CALR: variants seen among roughly 807,000 people sequenced by gnomAD.
The protein encoded by CALR is CRP55.
A neutral mutation model predicts 51.1 loss-of-function variants in CALR; 15 were observed. The ratio of observed to expected loss-of-function variants is 0.29; its 90% CI spans 0.20 to 0.45. The LOEUF (loss-of-function observed/expected upper bound fraction) is 0.45, where lower values mean the gene tolerates loss of function less well. Among genes scored for constraint, CALR ranks in the 20% least tolerant of loss-of-function variants. The probability of loss-of-function intolerance (pLI) is 1.00; values close to 1 mark genes in which losing one functional copy is unlikely to be tolerated. For synonymous variants in CALR, 239 were observed against 205.9 expected, an observed-to-expected ratio of 1.16 and a Z score of -1.38; for missense variants, 477 against 530.6, an observed-to-expected ratio of 0.90 and a Z score of 0.99.
In CALR at chr19:12,944,198, C is replaced by A; in HGVS notation, c.*285C>A. 3.8e-6 allele frequency: 2 copies of A among 527,686 alleles called. No individual in the cohort carries two copies. Among genetic ancestry groups the A allele is most frequent in the Non-Finnish European group, 3.4e-6 (1 of 297,378 alleles). The allele number at this position is 527,686 out of a possible 1,614,324, so 32.7% of individuals were successfully genotyped here. A position where few individuals can be genotyped will look rare whatever the true frequency, so the allele number is the denominator to read the frequency against. ...CATCTTTTCTTGCCTCTGTCCCCTT[C>A]TCTCATCTCTTAGCTCCCCTCCAAC... On this transcript the variant is annotated 3_prime_UTR_variant, in exon 9 of 9. Transcript: ENST00000316448.
At chr19:12,943,679 G>C (rs1297265278) in intron 8 of CALR, 34 bp from the exon 9 acceptor site, 1 of 1,614,128 alleles carries the variant, frequency 6.2e-7, no homozygotes, top group Admixed American at 1.7e-5. Context: ...GGCTGGCAGG[G>C]GGCAAGGCCC....
rs1971524099 is a variant in CALR, at chr19:12,940,044, C to T, written c.398-9C>T. 1 of 1,602,932 alleles carries T rather than the reference C, an allele frequency of 6.2e-7. No homozygotes were observed. Among genetic ancestry groups the T allele is most frequent in the African/African-American group, 1.3e-5 (1 of 74,660 alleles). ...CTCTGACTCTTAACTGGATCTGCTT[C>T]ACACCTAGGTCCCGACATCTGTGGC... On this transcript the variant is annotated splice_polypyrimidine_tract_variant and intron_variant, in intron 3 of 8. Coordinates refer to ENST00000316448, the MANE Select transcript of CALR (RefSeq NM_004343.4).
At position 12,944,165 on chromosome 19, in the gene CALR, T is replaced by C; in HGVS notation, c.*252T>C. 1.6e-6 allele frequency: 1 copy of C among 607,634 alleles called. No individual in the cohort carries two copies. Among genetic ancestry groups the C allele is most frequent in the Non-Finnish European group, 2.8e-6 (1 of 353,144 alleles). The allele number at this position is 607,634 out of a possible 1,614,324, so 37.6% of individuals were successfully genotyped here. A position where few individuals can be genotyped will look rare whatever the true frequency, so the allele number is the denominator to read the frequency against. On this transcript the variant is annotated 3_prime_UTR_variant, in exon 9 of 9. Coordinates refer to ENST00000316448, the MANE Select transcript of CALR (RefSeq NM_004343.4). ...CCCTCACCCCTGGTTCTCATCTTTCTTGATCAACATCTTTTCTTGCCTCTG... is the reference window on the plus strand; with the variant it reads ...CCCTCACCCCTGGTTCTCATCTTTCCTGATCAACATCTTTTCTTGCCTCTG...
chr19:12,940,589 G>A lies in CALR; in HGVS notation c.751G>A (p.Glu251Lys), dbSNP rs755951120. Reference protein sequence around the residue: ...HIPDPDAKKPEDWDEEMDGEW... With the variant: ...HIPDPDAKKPKDWDEEMDGEW... ...CCCTGACCCTGATGCTAAGAAGCCCGAGGACTGGGATGAAGAGATGGACGG... is the reference window on the plus strand; with the variant it reads ...CCCTGACCCTGATGCTAAGAAGCCCAAGGACTGGGATGAAGAGATGGACGG... Residue 251 changes from glutamate (E) to lysine (K), a missense_variant, in exon 6 of 9, where the codon GAG becomes AAG. Transcript: ENST00000316448. 25 of 1,614,064 alleles carry A rather than the reference G, an allele frequency of 1.5e-5. No individual in the cohort carries two copies. Among genetic ancestry groups the A allele is most frequent in the East Asian group, 2.2e-5 (1 of 44,896 alleles).
At chr19:12,942,709 C>T (rs913200539) in intron 7 of CALR, among the ~76,000 whole-genome samples, 4 of 151,238 alleles carry the variant, frequency 2.6e-5, no homozygotes, top group African/African-American at 4.9e-5. Flanking sequence ...ATTCTCATGC[C>T]TCATCCTCTC....
Position 12,938,722 on chromosome 19 carries a change from G to A in CALR, c.43G>A (p.Ala15Thr). 1.2e-6 allele frequency: 2 copies of A among 1,611,592 alleles called. No individual in the cohort carries two copies. The highest frequency in any genetic ancestry group is 1.1e-5 in the South Asian group (1 of 90,934). The change falls in exon 1 of 9, where the codon GCC becomes ACC. Residue 15 changes from alanine (A) to threonine (T), a missense_variant. Coordinates refer to ENST00000316448, the MANE Select transcript of CALR (RefSeq NM_004343.4). ...GCTGCTGCTCGGCCTCCTCGGCCTG[G>A]CCGTCGCCGAGCCTGCCGTCTACTT... The part of the protein sequence containing the change: ...VPLLLGLLGL[A>T]VAEPAVYFKE...
Position 12,944,086 on chromosome 19 carries a change from G to A in CALR, c.*173G>A, listed in dbSNP as rs897921643. The A allele has an allele frequency of 1.9e-5, 16 of 825,502 alleles. No individual in the cohort carries two copies. The highest frequency in any genetic ancestry group is 6.9e-5 in the African/African-American group (2 of 28,956). 51.1% of individuals were successfully genotyped at this position (825,502 alleles called of 1,614,324 possible). A position where few individuals can be genotyped will look rare whatever the true frequency, so the allele number is the denominator to read the frequency against. ...CTCCACTCTCCCCCACCCCCTCCCC[G>A]CCCTTTTTTTTTTTTTTTTTTAAAC... On this transcript the variant is annotated 3_prime_UTR_variant, in exon 9 of 9. Transcript: ENST00000316448.
At position 12,940,863 on chromosome 19, in the gene CALR, C is replaced by A. The variant is rs111306057; in HGVS notation, c.936C>A (p.Gly312=). 1 of 1,613,910 alleles carries A rather than the reference C, an allele frequency of 6.2e-7. No individual in the cohort carries two copies. Among genetic ancestry groups the A allele is most frequent in the African/African-American group, 1.3e-5 (1 of 74,906 alleles). The change falls in exon 7 of 9, where the codon GGC becomes GGA. Residue 312 remains glycine, a synonymous_variant. Transcript: ENST00000316448. ...GTATCTATGCCTATGATAACTTTGGCGTGCTGGGCCTGGACCTCTGGCAGG... is the reference window on the plus strand; with the variant it reads ...GTATCTATGCCTATGATAACTTTGGAGTGCTGGGCCTGGACCTCTGGCAGG... ...DPSIYAYDNF[G]VLGLDLWQVK...
intron 7 of CALR, among the ~76,000 whole-genome samples, chr19:12,941,152 C>G (rs146590951): frequency 6.6e-6 from 1 of 152,252 alleles, no homozygotes; most frequent in African/African-American, 2.4e-5. Context: ...TCAGGTAACC[C>G]AGTTAGTTAG....
rs143254077 is a variant in CALR at position 12,942,219 on chromosome 19, C to T, written c.961-1318C>T. Among the ~76,000 whole-genome samples, 198 of 151,626 alleles carry T rather than the reference C, an allele frequency of 1.3e-3. 1 individual carries two copies. Among genetic ancestry groups the T allele is most frequent in the African/African-American group, 4.6e-3 (190 of 41,384 alleles). On this transcript the variant is annotated intron_variant, in intron 7 of 8. Transcript: ENST00000316448. The stretch of plus-strand genomic sequence containing the variant: ...TCTAGTAAAAATACAAAAAATTTGC[C>T]AGGTGTGGTGGTGGGCGCCTGTAGT...
At chr19:12,940,004 G>A (rs377643419) in intron 3 of CALR, 49 bp from the exon 4 acceptor site, 6 of 1,303,058 alleles carry the variant, frequency 4.6e-6, no homozygotes, top group Admixed American at 1.7e-5. Flanking sequence ...TGAGAGCCTC[G>A]AGATGATGGG....
Position 12,939,156 on chromosome 19 carries a change from C to A in CALR, c.114C>A (p.Ile38=). 6.2e-7 allele frequency: 1 copy of A among 1,609,608 alleles called. No individual in the cohort carries two copies. Among genetic ancestry groups the A allele is most frequent in the South Asian group, 1.1e-5 (1 of 90,110 alleles). Reference sequence around the variant, plus strand: ...TAGACGGGTGGACTTCCCGCTGGATCGAATCCAAACACAAGTCAGATTTTG... The same window carrying A: ...TAGACGGGTGGACTTCCCGCTGGATAGAATCCAAACACAAGTCAGATTTTG... ...LDGDGWTSRW[I]ESKHKSDFGK... Residue 38 remains isoleucine (I), a synonymous_variant, in exon 2 of 9, where the codon ATC becomes ATA. Transcript: ENST00000316448.
chr19:12,940,120 G>A lies in CALR; in HGVS notation c.465G>A (p.Val155=). ...TCTTCAACTACAAGGGCAAGAACGT[G>A]CTGATCAACAAGGACATCCGTTGCA... ...HVIFNYKGKN[V]LINKDIRCKD... is the part of the protein sequence containing the mutation. Residue 155 remains valine (V), a synonymous_variant, in exon 4 of 9, where the codon GTG becomes GTA. Transcript: ENST00000316448. 6.2e-7 allele frequency: 1 copy of A among 1,614,190 alleles called. No homozygotes were observed. The highest frequency in any genetic ancestry group is 2.2e-5 in the East Asian group (1 of 44,894).
At chr19:12,939,079 T>C in intron 1 of CALR, 55 bp from the exon 2 acceptor site, 1 of 1,021,970 alleles carries the variant, frequency 9.8e-7, no homozygotes, top group Non-Finnish European at 1.5e-6. Context: ...AGATGTTTGG[T>C]GTGGGGGGGG....
chr19:12,943,029 T>A (rs146767365), intron 7 of CALR, among the ~76,000 whole-genome samples: 2,167 of 151,058 alleles, frequency 0.014, 29 homozygotes, highest in Middle Eastern at 0.059. Context: ...GTGCTGGGAT[T>A]ACAGGCATGA....
At position 12,941,302 on chromosome 19, in the gene CALR, T is replaced by A. The variant is rs571901477; in HGVS notation, c.960+415T>A. ...GGAGACCCTATCTCTACAAAAAAAA[T>A]TTTTTTTTTTGAGACAGAGTTTCAC... On this transcript the variant is annotated intron_variant, in intron 7 of 8. Transcript: ENST00000316448. 4.7e-3 allele frequency among the ~76,000 whole-genome samples: 630 copies of A among 135,316 alleles called. 8 individuals are homozygous for A. The highest frequency in any genetic ancestry group is 0.017 in the African/African-American group (581 of 35,202). 88.8% of individuals were successfully genotyped at this position (135,316 alleles called of 152,430 possible). A position where few individuals can be genotyped will look rare whatever the true frequency, so the allele number is the denominator to read the frequency against.
At position 12,944,388 on chromosome 19, in the gene CALR, G is replaced by C. The variant is rs1971599638; in HGVS notation, c.*475G>C. 4.3e-6 allele frequency: 1 copy of C among 235,004 alleles called. No homozygotes were observed. Among genetic ancestry groups the C allele is most frequent in the African/African-American group, 2.3e-5 (1 of 44,220 alleles). 14.6% of individuals were successfully genotyped at this position (235,004 alleles called of 1,614,324 possible). ...CCCCTCCCTTTCTCCCCTGCCCCCAGGACTGGGCCACTTCTGGGTGGGGCA... is the reference window on the plus strand; with the variant it reads ...CCCCTCCCTTTCTCCCCTGCCCCCACGACTGGGCCACTTCTGGGTGGGGCA... On this transcript the variant is annotated 3_prime_UTR_variant, in exon 9 of 9. Transcript: ENST00000316448.
Position 12,943,859 on chromosome 19 carries a change from C to T in CALR, c.1200C>T (p.Asp400=). ...ATGAGGATGAGGAGGATGAGGAGGA[C>T]AAGGAGGAAGATGAGGAGGAAGATG... ...DKDEDEEDEE[D]KEEDEEEDVP... The change falls in exon 9 of 9, where the codon GAC becomes GAT. Residue 400 remains aspartate, a synonymous_variant. Coordinates refer to ENST00000316448, the MANE Select transcript of CALR (RefSeq NM_004343.4). The T allele has an allele frequency of 2.5e-6, 4 of 1,583,274 alleles. No homozygotes were observed. Among genetic ancestry groups the T allele is most frequent in the Non-Finnish European group, 3.4e-6 (4 of 1,164,704 alleles).
At position 12,938,644 on chromosome 19, in the gene CALR, T is replaced by C. The variant is rs1294985733; in HGVS notation, c.-36T>C. On this transcript the variant is annotated 5_prime_UTR_variant, in exon 1 of 9. Transcript: ENST00000316448. ...CAGAGCCGCTGCCGGAGGGTCGTTT[T>C]AAAGGGCCCGCGCGTTGCCGCCCCC... 5 of 1,551,694 alleles carry C rather than the reference T, an allele frequency of 3.2e-6. No homozygotes were observed. Among genetic ancestry groups the C allele is most frequent in the African/African-American group, 1.4e-5 (1 of 73,554 alleles).
Sources: allele counts gnomAD v4.1 joint callset (sites outside exome capture counted in the v4.1 genomes callset), GRCh38; gene constraint gnomAD v4.1.1; transcripts MANE v1.5; gene names NCBI Gene and HGNC (gene_info 2026-07-23, HGNC 2026-07-21).